Variants in CDH12 observed in about 807,000 individuals in gnomAD.
CDH12 encodes cadherin 12.
Under a neutral mutation model 74.1 loss-of-function variants are expected in CDH12, and 41 were observed. That is an observed-to-expected ratio of 0.55 (90% CI 0.43 to 0.72). CDH12 has a LOEUF of 0.72. CDH12 is among the 30% of genes least tolerant of loss of function. The pLI, the probability that CDH12 is intolerant of heterozygous loss-of-function variation, is 0.00. For missense variants in CDH12, 945 were observed against 977.2 expected, an observed-to-expected ratio of 0.97 and a Z score of 0.44; for synonymous variants, 399 against 355.0, an observed-to-expected ratio of 1.12 and a Z score of -1.39.
intron 6 of CDH12, among the ~76,000 whole-genome samples, chr5:21,935,464 A>AT (rs1324203954): frequency 6.6e-6 from 1 of 151,886 alleles, no homozygotes; most frequent in African/African-American, 2.4e-5. Flanking sequence ...TTTTATTTTT[A>AT]TTTTTTGTGG....
At chr5:21,809,291 A>C (rs1382998271) in intron 9 of CDH12, among the ~76,000 whole-genome samples, 1 of 152,106 alleles carries the variant, frequency 6.6e-6, no homozygotes, top group South Asian at 2.1e-4. Context: ...ACAAAACAAA[A>C]AAGAATTGCA....
intron 1 of CDH12, among the ~76,000 whole-genome samples, chr5:22,846,428 C>A (rs566772386): frequency 6.6e-6 from 1 of 152,020 alleles, no homozygotes; most frequent in South Asian, 2.1e-4. Context: ...ATGAGTGGGC[C>A]TATGATGGTA....
At chr5:22,732,456 G>GTATATATA (rs746288133) in intron 1 of CDH12, among the ~76,000 whole-genome samples, 1 of 105,860 alleles carries the variant, frequency 9.4e-6, no homozygotes, top group African/African-American at 3.6e-5. Context: ...GAATGTGTGT[G>GTATATATA]TATATATATA....
At chr5:22,791,794 T>C (rs756469973) in intron 1 of CDH12, among the ~76,000 whole-genome samples, 6 of 151,950 alleles carry the variant, frequency 3.9e-5, no homozygotes, top group Non-Finnish European at 7.4e-5. Flanking sequence ...AACCATCAAA[T>C]CTCATGAGAA....
chr5:22,065,974 G>A (rs552155850), intron 5 of CDH12, among the ~76,000 whole-genome samples: 25 of 150,322 alleles, frequency 1.7e-4, no homozygotes, highest in Non-Finnish European at 4.4e-5. Context: ...AAACAGAAAG[G>A]TTCTAGGTCA....
chr5:21,959,141 A>AT (rs1336390153), intron 6 of CDH12, among the ~76,000 whole-genome samples: 3 of 152,190 alleles, frequency 2.0e-5, no homozygotes, highest in African/African-American at 7.2e-5. Context: ...TTGTACATTG[A>AT]TTTTCTTTCT....
At chr5:22,113,245 C>A (rs1455106163) in intron 4 of CDH12, among the ~76,000 whole-genome samples, 1 of 152,082 alleles carries the variant, frequency 6.6e-6, no homozygotes, top group Non-Finnish European at 1.5e-5. Context: ...CAAAGTTGTC[C>A]TTTGTGGGGG....
intron 3 of CDH12, among the ~76,000 whole-genome samples, chr5:22,315,128 T>TTC (rs1457870754): frequency 9.1e-6 from 1 of 110,402 alleles, no homozygotes; most frequent in Admixed American, 9.1e-5. Context: ...GCTTTTTTTT[T>TTC]TTTTTTTTTT....
At chr5:22,412,027 G>A (rs1191723726) in intron 2 of CDH12, among the ~76,000 whole-genome samples, 1 of 151,936 alleles carries the variant, frequency 6.6e-6, no homozygotes, top group Non-Finnish European at 1.5e-5. Context: ...AAGCACAATT[G>A]TTTCTAATTA....
intron 2 of CDH12, among the ~76,000 whole-genome samples, chr5:22,468,973 G>T (rs998789641): frequency 2.0e-5 from 3 of 152,104 alleles, no homozygotes; most frequent in African/African-American, 7.2e-5. Context: ...TTTACTTCTA[G>T]TAAATTACAT....
intron 2 of CDH12, among the ~76,000 whole-genome samples, chr5:22,433,347 G>A (rs1486363237): frequency 6.6e-6 from 1 of 151,914 alleles, no homozygotes; most frequent in Non-Finnish European, 1.5e-5. Flanking sequence ...GTTTCAAATG[G>A]GTACTGATAA....
chr5:22,338,874 C>A (rs1162408497), intron 3 of CDH12, among the ~76,000 whole-genome samples: 1 of 152,080 alleles, frequency 6.6e-6, no homozygotes, highest in East Asian at 1.9e-4. Flanking sequence ...CTGAGTAGGA[C>A]AATGTGGAAG....
chr5:22,244,772 G>C (rs531159744), intron 3 of CDH12, among the ~76,000 whole-genome samples: 1 of 123,536 alleles, frequency 8.1e-6, no homozygotes, highest in African/African-American at 3.0e-5. Flanking sequence ...AAGAAAGAAA[G>C]AAAGAAAGAA....
rs1744132148 is a variant in CDH12, at chr5:21,752,208, T to C, written c.1914A>G (p.Arg638=). Residue 638 remains arginine, a synonymous_variant, in exon 15 of 15, where the codon CGA becomes CGG. Coordinates refer to ENST00000382254, the MANE Select transcript of CDH12 (RefSeq NM_004061.5). The part of the protein sequence containing the change: ...LAIVVLYVAL[R]RQKKKDTLMT... ...TCAGGGTGTCTTTTTTCTTCTGCCTTCGCAGTGCTACATACAGTACAACTA... is the reference window on the plus strand; with the variant it reads ...TCAGGGTGTCTTTTTTCTTCTGCCTCCGCAGTGCTACATACAGTACAACTA... 1.9e-6 allele frequency: 3 copies of C among 1,613,608 alleles called. No homozygotes were observed. Among genetic ancestry groups the C allele is most frequent in the Admixed American group, 1.7e-5 (1 of 59,928 alleles).
rs76542306 is a variant in CDH12 at position 22,625,307 on chromosome 5, A to G, written c.-522-119943T>C. On this transcript the variant is annotated intron_variant, in intron 1 of 14. Coordinates refer to ENST00000382254, the MANE Select transcript of CDH12 (RefSeq NM_004061.5). ...GTACCCTAGAACTTAAAGTATAATAATGAATATATGAATAAATAAATAAGT... is the reference window on the plus strand; with the variant it reads ...GTACCCTAGAACTTAAAGTATAATAGTGAATATATGAATAAATAAATAAGT... Among the ~76,000 whole-genome samples, 604 of 152,306 alleles carry G rather than the reference A, an allele frequency of 4.0e-3. 2 individuals are homozygous for G. Among genetic ancestry groups the G allele is most frequent in the African/African-American group, 0.014 (582 of 41,552 alleles).
In CDH12 at chr5:21,842,240, C is replaced by A. The variant is rs367643935; in HGVS notation, c.735G>T (p.Gln245His). 1.9e-6 allele frequency: 3 copies of A among 1,613,482 alleles called. No homozygotes were observed. The African/African-American group carries it at 4.0e-5, about 22-fold the overall frequency. The change falls in exon 8 of 15, where the codon CAG becomes CAT. Residue 245 changes from glutamine to histidine, a missense_variant. Gln to His is a conservative substitution (Grantham distance 24). Coordinates refer to ENST00000382254, the MANE Select transcript of CDH12 (RefSeq NM_004061.5). ...TTGTTGTTCCGGCTAATCCTCCAAG[C>A]TGTCCTCCCATATCCTTGGCTTGGA... Reference protein sequence around the residue: ...VLIQAKDMGGQLGGLAGTTIV... With the variant: ...VLIQAKDMGGHLGGLAGTTIV...
At chr5:22,074,522 A>C (rs1450175736) in intron 5 of CDH12, among the ~76,000 whole-genome samples, 1 of 152,210 alleles carries the variant, frequency 6.6e-6, no homozygotes, top group East Asian at 1.9e-4. Context: ...CAGAGTGAAC[A>C]GACAACCTAC....
chr5:21,826,138 A>T (rs1445693605), intron 8 of CDH12, among the ~76,000 whole-genome samples: 1 of 152,066 alleles, frequency 6.6e-6, no homozygotes, highest in East Asian at 1.9e-4. Context: ...ATTTACTATC[A>T]TTATGCTAAA....
intron 1 of CDH12, among the ~76,000 whole-genome samples, chr5:22,519,244 T>C (rs886712418): frequency 2.0e-5 from 3 of 152,050 alleles, no homozygotes; most frequent in African/African-American, 7.2e-5. Context: ...CTCGATTAAA[T>C]CTATTTATGT....
Sources: gnomAD v4.1 joint callset for allele counts (sites outside exome capture counted in the v4.1 genomes callset) on GRCh38, gnomAD v4.1.1 for gene constraint, MANE v1.5 for transcripts, NCBI Gene and HGNC (gene_info 2026-07-23, HGNC 2026-07-21) for gene names.